DIAPH2: variants seen among roughly 807,000 people sequenced by gnomAD.
The protein encoded by DIAPH2 is protein diaphanous homolog 2.
A neutral mutation model predicts 92.7 loss-of-function variants in DIAPH2; 35 were observed. That is an observed-to-expected ratio of 0.38 (90% CI 0.29 to 0.50). DIAPH2 has a LOEUF of 0.50. DIAPH2 is among the 20% of genes least tolerant of loss of function. DIAPH2 has a pLI of 0.94. For synonymous variants in DIAPH2, 301 were observed against 280.4 expected, an observed-to-expected ratio of 1.07 and a Z score of -0.73; for missense variants, 701 against 819.5, an observed-to-expected ratio of 0.86 and a Z score of 1.77.
chrX:96,762,984 G>A (rs1374232574), intron 4 of DIAPH2: 1 of 406,893 alleles, frequency 2.5e-6, no homozygotes, highest in Non-Finnish European at 3.6e-6. Flanking sequence ...AATAGGGTTA[G>A]CTATTTACTA....
chrX:96,991,226 T>C (rs193007836), intron 17 of DIAPH2, among the ~76,000 whole-genome samples: 1 of 110,376 alleles, frequency 9.1e-6, no homozygotes, highest in East Asian at 2.9e-4. Flanking sequence ...GTGATTCTCC[T>C]GCCTCAGCCT....
chrX:96,803,272 T>C (rs945023560), intron 4 of DIAPH2, among the ~76,000 whole-genome samples: 6 of 108,732 alleles, frequency 5.5e-5, no homozygotes, highest in African/African-American at 2.0e-4. Flanking sequence ...ATATTGTCAA[T>C]CTTATTAAAA....
chrX:97,060,383 C>A (rs1205963985), intron 17 of DIAPH2, among the ~76,000 whole-genome samples: 1 of 111,675 alleles, frequency 9.0e-6, no homozygotes. Flanking sequence ...CAATAAGTTT[C>A]TAGTAAAACC....
rs760356381 is a variant in DIAPH2 at position 96,950,675 on chromosome X, A to G, written c.1614+1636A>G. Among the ~76,000 whole-genome samples the G allele has an allele frequency of 5.4e-5, 6 of 111,894 alleles. No individual in the cohort carries two copies. In the East Asian group the frequency reaches 1.7e-3, roughly 31 times the overall value. On this transcript the variant is annotated intron_variant, in intron 15 of 26. Transcript: ENST00000324765. ...AATTCATCCTTTATGTCAGTGGCAA[A>G]TTAATCTTCCTGAAACAATTCCCTG...
intron 22 of DIAPH2, among the ~76,000 whole-genome samples, chrX:97,160,293 C>A (rs1251310477): frequency 2.7e-5 from 3 of 111,490 alleles, no homozygotes; most frequent in Admixed American, 9.5e-5. Flanking sequence ...CTTATCTTCT[C>A]ACAATGTCTG....
intron 22 of DIAPH2, among the ~76,000 whole-genome samples, chrX:97,161,901 ATTC>A (rs2067376911): frequency 9.0e-6 from 1 of 111,440 alleles, no homozygotes. Context: ...GACTCATGTT[ATTC>A]TTTACTTCTG....
intron 17 of DIAPH2, among the ~76,000 whole-genome samples, chrX:97,041,298 C>T (rs144491103): frequency 3.6e-4 from 40 of 111,532 alleles, no homozygotes; most frequent in African/African-American, 1.2e-3. Flanking sequence ...GTATGATAAT[C>T]AGAATGGTAC....
In DIAPH2 at chrX:97,345,306, T is replaced by C. The variant is rs760779204; in HGVS notation, c.2845-2810T>C. Reference sequence around the variant, plus strand: ...ATGAAAGAGGCTGTTGTGTTGTTAATGTGAATGCTAATACTTACGTAGCAT... The same window carrying C: ...ATGAAAGAGGCTGTTGTGTTGTTAACGTGAATGCTAATACTTACGTAGCAT... On this transcript the variant is annotated intron_variant, in intron 23 of 26. Transcript: ENST00000324765. Among the ~76,000 whole-genome samples the C allele has an allele frequency of 1.7e-4, 19 of 111,388 alleles. 1 individual carries two copies. The highest frequency in any genetic ancestry group is 5.9e-4 in the African/African-American group (18 of 30,489).
chrX:96,932,216 C>T (rs2065623955), intron 10 of DIAPH2, among the ~76,000 whole-genome samples: 1 of 110,633 alleles, frequency 9.0e-6, no homozygotes, highest in African/African-American at 3.3e-5. Flanking sequence ...TTGCTGGCTG[C>T]AAGGGCTCTG....
chrX:96,922,018 C>T (rs1390564036), intron 9 of DIAPH2, among the ~76,000 whole-genome samples: 1 of 111,038 alleles, frequency 9.0e-6, no homozygotes, highest in Non-Finnish European at 1.9e-5. Flanking sequence ...ACCCATATGC[C>T]GGACAGTGTT....
chrX:96,888,911 A>G (rs1226573083), intron 5 of DIAPH2, among the ~76,000 whole-genome samples: 1 of 109,922 alleles, frequency 9.1e-6, no homozygotes, highest in Admixed American at 9.9e-5. Flanking sequence ...GCCTTTAACA[A>G]CTGGTTTGTA....
In DIAPH2 at chrX:97,138,494, ATTAATC is replaced by A. The variant is rs2067188228; in HGVS notation, c.2590-3168_2590-3163del. ...AGATAGAATTCAATTAAATTCAGTT[ATTAATC>A]TTTATGTGTAACATTTATTGGTCAG... is the stretch of plus-strand genomic sequence containing the variant. On this transcript the variant is annotated intron_variant, in intron 21 of 26. Coordinates refer to ENST00000324765, the MANE Select transcript of DIAPH2 (RefSeq NM_006729.5). Among the ~76,000 whole-genome samples, 3 of 111,650 alleles carry A rather than the reference ATTAATC, an allele frequency of 2.7e-5. No individual in the cohort carries two copies. The South Asian group carries it at 1.1e-3, about 42-fold the overall frequency.
At chrX:97,409,810 G>T (rs188173368) in intron 25 of DIAPH2, among the ~76,000 whole-genome samples, 161 of 112,815 alleles carry the variant, frequency 1.4e-3, no homozygotes, top group African/African-American at 5.1e-3. Context: ...GCAGCAGCCT[G>T]GCAGGGGGTG....
At chrX:96,714,019 G>A (rs2063934631) in intron 1 of DIAPH2, among the ~76,000 whole-genome samples, 1 of 111,233 alleles carries the variant, frequency 9.0e-6, no homozygotes, top group Non-Finnish European at 1.9e-5. Flanking sequence ...TGGATCCTTT[G>A]GTAAGAGTAT....
At chrX:97,056,792 T>C (rs1416646408) in intron 17 of DIAPH2, among the ~76,000 whole-genome samples, 1 of 111,809 alleles carries the variant, frequency 8.9e-6, no homozygotes, top group Non-Finnish European at 1.9e-5. Context: ...CACTCTGCTT[T>C]GTTTTAAACA....
chrX:97,183,810 A>G (rs1168169176), intron 22 of DIAPH2, among the ~76,000 whole-genome samples: 1 of 112,087 alleles, frequency 8.9e-6, no homozygotes, highest in Non-Finnish European at 1.9e-5. Context: ...TAAGATAAAT[A>G]TGTGCAGCAT....
chrX:97,029,146 C>CTTTTTTTTTTTTT (rs34551722), intron 17 of DIAPH2, among the ~76,000 whole-genome samples: 2 of 92,721 alleles, frequency 2.2e-5, no homozygotes, highest in Admixed American at 1.2e-4. Flanking sequence ...TTTTCTTTTT[C>CTTTTTTTTTTTTT]TTTTTTTTTT....
At chrX:97,433,507 C>A (rs1252337795) in intron 26 of DIAPH2, among the ~76,000 whole-genome samples, 2 of 111,494 alleles carry the variant, frequency 1.8e-5, no homozygotes, top group African/African-American at 6.5e-5. Context: ...CAGAGCCAGA[C>A]CCTGACTCAA....
At chrX:97,170,621 T>C (rs1411553631) in intron 22 of DIAPH2, among the ~76,000 whole-genome samples, 2 of 111,645 alleles carry the variant, frequency 1.8e-5, no homozygotes, top group Non-Finnish European at 3.8e-5. Flanking sequence ...TCTAAAGCTC[T>C]TAAATTTTCA....
Sources: gnomAD v4.1 joint callset for allele counts (sites outside exome capture counted in the v4.1 genomes callset) on GRCh38, gnomAD v4.1.1 for gene constraint, MANE v1.5 for transcripts, NCBI Gene and HGNC (gene_info 2026-07-23, HGNC 2026-07-21) for gene names.